YIPF4: variants seen among roughly 807,000 people sequenced by gnomAD.
The protein encoded by YIPF4 is protein YIPF4.
YIPF4 carries 18 observed loss-of-function variants against 29.4 expected under a neutral mutation model. The observed-to-expected ratio is 0.61, with a 90% CI of 0.42 to 0.91. The LOEUF (loss-of-function observed/expected upper bound fraction) is 0.91, where lower values mean the gene tolerates loss of function less well. Among genes scored for constraint, YIPF4 ranks in the 40% least tolerant of loss-of-function variants. The pLI is 0.00. For missense variants in YIPF4, 279 were observed against 282.7 expected (o/e 0.99, Z 0.09); for synonymous variants, 115 against 104.7 (o/e 1.10, Z -0.60).
chr2:32,279,315 G>T (rs2030271679), intron 1 of YIPF4, among the ~76,000 whole-genome samples: 1 of 150,970 alleles, frequency 6.6e-6, no homozygotes, highest in Non-Finnish European at 1.5e-5. Context: ...TTATTTTCCA[G>T]TGACCAGACT....
intron 4 of YIPF4, 51 bp downstream of exon 4, chr2:32,298,362 T>C: frequency 7.4e-7 from 1 of 1,356,654 alleles, no homozygotes; most frequent in East Asian, 2.3e-5. Flanking sequence ...TGAGCTTAGT[T>C]TTTGATACTG....
chr2:32,298,637 T>C (rs2031282343), intron 4 of YIPF4, among the ~76,000 whole-genome samples: 1 of 152,134 alleles, frequency 6.6e-6, no homozygotes, highest in Admixed American at 6.6e-5. Context: ...CTCGGCTCAT[T>C]GCAGCCTCCG....
intron 1 of YIPF4, among the ~76,000 whole-genome samples, chr2:32,287,463 A>G (rs768249915): frequency 1.3e-5 from 2 of 152,164 alleles, no homozygotes; most frequent in Non-Finnish European, 2.9e-5. Context: ...AAGCTTCTTT[A>G]CGTATATAAG....
At chr2:32,293,997 C>G (rs569516157) in intron 3 of YIPF4, among the ~76,000 whole-genome samples, 1 of 143,324 alleles carries the variant, frequency 7.0e-6, no homozygotes, top group South Asian at 2.2e-4. Context: ...GGGGGCTGAT[C>G]CCCCCACCTC....
chr2:32,290,796 AG>A (rs2030877253), intron 2 of YIPF4, 160 bp downstream of exon 2: 1 of 394,178 alleles, frequency 2.5e-6, no homozygotes, highest in Non-Finnish European at 4.1e-6. Flanking sequence ...AATAATAATG[AG>A]AGAATATTTT....
chr2:32,279,642 C>A (rs565948035), intron 1 of YIPF4, among the ~76,000 whole-genome samples: 94 of 150,714 alleles, frequency 6.2e-4, no homozygotes, highest in Admixed American at 4.0e-3. Flanking sequence ...ATCTCCTGAC[C>A]TCGTGATCCG....
chr2:32,305,370 A>G, intron 5 of YIPF4, 119 bp from the exon 6 acceptor site: 5 of 1,185,448 alleles, frequency 4.2e-6, no homozygotes, highest in Non-Finnish European at 5.5e-6. Context: ...TTTACTATTT[A>G]CCAAAATTGG....
intron 1 of YIPF4, among the ~76,000 whole-genome samples, chr2:32,282,062 GAAAAAA>G (rs61157556): frequency 7.1e-6 from 1 of 140,508 alleles, no homozygotes; most frequent in Non-Finnish European, 1.6e-5. Context: ...GACCCTGGCT[GAAAAAA>G]AAAAAGGAAA....
intron 5 of YIPF4, among the ~76,000 whole-genome samples, chr2:32,304,907 G>A (rs1054280595): frequency 5.3e-5 from 8 of 151,996 alleles, no homozygotes; most frequent in Non-Finnish European, 8.8e-5. Context: ...GACAAAATGT[G>A]ATCTTTTTAT....
intron 1 of YIPF4, among the ~76,000 whole-genome samples, chr2:32,281,299 T>A (rs2030402859): frequency 6.6e-6 from 1 of 151,902 alleles, no homozygotes; most frequent in Non-Finnish European, 1.5e-5. Flanking sequence ...TGGAGTGCAG[T>A]GGCTTGATCT....
At chr2:32,293,606 T>C (rs1247594712) in intron 3 of YIPF4, among the ~76,000 whole-genome samples, 2 of 152,196 alleles carry the variant, frequency 1.3e-5, no homozygotes, top group South Asian at 2.1e-4. Flanking sequence ...AGCTGTTGGG[T>C]ACACCTCCCA....
rs1573546346 is a variant in YIPF4 at position 32,307,286 on chromosome 2, A to G, written c.*1660A>G. 1 of 434,050 alleles carries G rather than the reference A, an allele frequency of 2.3e-6. No individual in the cohort carries two copies. Among genetic ancestry groups the G allele is most frequent in the Non-Finnish European group, 3.3e-6 (1 of 299,928 alleles). The allele number at this position is 434,050 out of a possible 1,614,324, so 26.9% of individuals were successfully genotyped here. A position where few individuals can be genotyped will look rare whatever the true frequency, so the allele number is the denominator to read the frequency against. ...TGACATTCATAGTGTTGACCCTGGA[A>G]TCTTTCACAGAAAGCTTGGGGGTCA... On this transcript the variant is annotated 3_prime_UTR_variant, in exon 6 of 6. Transcript: ENST00000238831.
In YIPF4 at chr2:32,307,035, A is replaced by G. The variant is rs2031602703; in HGVS notation, c.*1409A>G. The G allele has an allele frequency of 4.7e-6, 5 of 1,053,348 alleles. No homozygotes were observed. Among genetic ancestry groups the G allele is most frequent in the Non-Finnish European group, 5.0e-6 (4 of 794,784 alleles). The allele number at this position is 1,053,348 out of a possible 1,614,324, so 65.3% of individuals were successfully genotyped here. The stretch of plus-strand genomic sequence containing the variant: ...AAGAAAAACTTATTTTAAGCTGCAG[A>G]AAAAGTGTGGAGCACTTTTGAGCTA... On this transcript the variant is annotated 3_prime_UTR_variant, in exon 6 of 6. Coordinates refer to ENST00000238831, the MANE Select transcript of YIPF4 (RefSeq NM_032312.4).
chr2:32,281,145 C>G (rs538535712), intron 1 of YIPF4, among the ~76,000 whole-genome samples: 1 of 152,138 alleles, frequency 6.6e-6, no homozygotes, highest in Admixed American at 6.5e-5. Context: ...TCTGTATATC[C>G]ACGGAGCTAT....
At chr2:32,279,384 C>T (rs1379508200) in intron 1 of YIPF4, among the ~76,000 whole-genome samples, 2 of 145,060 alleles carry the variant, frequency 1.4e-5, no homozygotes, top group African/African-American at 5.1e-5. Context: ...GAGAAAGAAC[C>T]TAGATTTTCC....
intron 5 of YIPF4, among the ~76,000 whole-genome samples, chr2:32,304,243 T>C (rs1283288694): frequency 2.0e-5 from 3 of 152,206 alleles, no homozygotes; most frequent in African/African-American, 7.2e-5. Flanking sequence ...CATTAGAGTA[T>C]ATAGTTTAAG....
intron 1 of YIPF4, among the ~76,000 whole-genome samples, chr2:32,284,565 T>G (rs1217236231): frequency 6.6e-6 from 1 of 152,166 alleles, no homozygotes; most frequent in African/African-American, 2.4e-5. Context: ...TGCTTCCCCT[T>G]TGCAATCTGC....
At chr2:32,305,382 T>C (rs2031541579) in intron 5 of YIPF4, 107 bp from the exon 6 acceptor site, 1 of 1,273,154 alleles carries the variant, frequency 7.9e-7, no homozygotes, top group Non-Finnish European at 1.0e-6. Flanking sequence ...CAAAATTGGT[T>C]GTTGATTTTT....
intron 1 of YIPF4, among the ~76,000 whole-genome samples, chr2:32,284,783 A>G (rs2030584290): frequency 6.6e-6 from 1 of 152,204 alleles, no homozygotes; most frequent in Non-Finnish European, 1.5e-5. Context: ...AGCCTGGCAC[A>G]AGGTCCCTGA....
Sources: gnomAD v4.1 joint callset for allele counts (sites outside exome capture counted in the v4.1 genomes callset) on GRCh38, gnomAD v4.1.1 for gene constraint, MANE v1.5 for transcripts, NCBI Gene and HGNC (gene_info 2026-07-23, HGNC 2026-07-21) for gene names.